Variants in UGGT1 observed in about 807,000 individuals in gnomAD.
UGGT1 encodes UDP-glucose:glycoprotein glucosyltransferase 1.
UGGT1 carries 107 observed loss-of-function variants against 203.9 expected under a neutral mutation model. The ratio of observed to expected loss-of-function variants is 0.52; its 90% CI spans 0.45 to 0.62. The LOEUF (loss-of-function observed/expected upper bound fraction) is 0.62, where lower values mean the gene tolerates loss of function less well. UGGT1 is among the 20% of genes least tolerant of loss of function. The pLI is 0.00. For missense variants in UGGT1, 1,673 were observed against 1,867.2 expected (o/e 0.90, Z 1.92); for synonymous variants, 628 against 653.5 (o/e 0.96, Z 0.59).
At position 128,109,652 on chromosome 2, in the gene UGGT1, C is replaced by A. The variant is rs1172179610; in HGVS notation, c.427C>A (p.Pro143Thr). 6.2e-7 allele frequency: 1 copy of A among 1,614,092 alleles called. No individual in the cohort carries two copies. Among genetic ancestry groups the A allele is most frequent in the South Asian group, 1.1e-5 (1 of 91,080 alleles). Residue 143 changes from proline (P) to threonine (T), a missense_variant, in exon 5 of 41, where the codon CCA (proline) becomes ACA (threonine). Around this residue, in one of 4 missense-constraint regions of UGGT1, gnomAD observed 1,073 missense variants for 1,078.7 expected, o/e 0.99. Coordinates refer to ENST00000259253, the MANE Select transcript of UGGT1 (RefSeq NM_020120.4). ...GTGACAGATAGCAGCTGATGAACCT[C>A]CACCAGAAGGATGTAATTCGTTTTT... ...AFQQIAADEP[P>T]PEGCNSFFSV...
chr2:128,166,063 A>G (rs1049606244), intron 26 of UGGT1, among the ~76,000 whole-genome samples: 2 of 152,240 alleles, frequency 1.3e-5, no homozygotes, highest in Admixed American at 1.3e-4. Context: ...TAAGCTTAGC[A>G]TAGTGAGGGA....
Position 128,145,983 on chromosome 2 carries a change from A to C in UGGT1, c.2016+16A>C, listed in dbSNP as rs1689672811. ...GGTGTACTTGGTGAGTCACGTTTCA[A>C]GGCTGATTTTTTAAAGAGAACAGTT... is the stretch of plus-strand genomic sequence containing the variant. On this transcript the variant is annotated intron_variant, in intron 18 of 40. Coordinates refer to ENST00000259253, the MANE Select transcript of UGGT1 (RefSeq NM_020120.4). 1 of 1,613,400 alleles carries C rather than the reference A, an allele frequency of 6.2e-7. No homozygotes were observed. Among genetic ancestry groups the C allele is most frequent in the African/African-American group, 1.3e-5 (1 of 74,966 alleles).
chr2:128,097,759 G>A (rs1000065762), intron 2 of UGGT1, among the ~76,000 whole-genome samples, 195 bp downstream of exon 2: 1 of 152,202 alleles, frequency 6.6e-6, no homozygotes, highest in Non-Finnish European at 1.5e-5. Context: ...AGGGCTATGT[G>A]GGTTTATAGA....
At chr2:128,153,122 G>A (rs1371962312) in intron 19 of UGGT1, among the ~76,000 whole-genome samples, 2 of 149,602 alleles carry the variant, frequency 1.3e-5, no homozygotes, top group Non-Finnish European at 3.0e-5. Flanking sequence ...AACATCTTCT[G>A]GGCAAAACCC....
chr2:128,187,697 T>C, intron 40 of UGGT1, 83 bp downstream of exon 40: 3 of 1,379,842 alleles, frequency 2.2e-6, no homozygotes, highest in Non-Finnish European at 2.9e-6. Flanking sequence ...GAATAATGGA[T>C]AAAAGGAAGA....
At chr2:128,106,492 T>C (rs1687610816) in intron 3 of UGGT1, among the ~76,000 whole-genome samples, 1 of 152,234 alleles carries the variant, frequency 6.6e-6, no homozygotes, top group Non-Finnish European at 1.5e-5. Flanking sequence ...GCTGTTGCAG[T>C]ATAAAACCTT....
intron 15 of UGGT1, among the ~76,000 whole-genome samples, chr2:128,135,597 T>G (rs1689096634): frequency 6.6e-6 from 1 of 152,242 alleles, no homozygotes; most frequent in African/African-American, 2.4e-5. Context: ...TATTACTGTG[T>G]GTTCCATGAT....
intron 12 of UGGT1, 150 bp downstream of exon 12, chr2:128,127,602 T>C (rs1044328439): frequency 9.8e-6 from 6 of 612,442 alleles, no homozygotes; most frequent in African/African-American, 7.5e-5. Context: ...AGTAGGCACA[T>C]GCCATGATGG....
chr2:128,150,631 G>A (rs1202018224), intron 18 of UGGT1, among the ~76,000 whole-genome samples: 1 of 141,592 alleles, frequency 7.1e-6, no homozygotes, highest in Non-Finnish European at 1.5e-5. Flanking sequence ...GTCAGAAGGT[G>A]TTACATTTAC....
At position 128,125,169 on chromosome 2, in the gene UGGT1, C is replaced by T. The variant is rs189162562; in HGVS notation, c.1134+1923C>T. On this transcript the variant is annotated intron_variant, in intron 11 of 40. Coordinates refer to ENST00000259253, the MANE Select transcript of UGGT1 (RefSeq NM_020120.4). ...GGAAGAGCGTTTGGTGACTTGCCTT[C>T]GATTCCCCATTATGTGTGTGGGGTC... Among the ~76,000 whole-genome samples the T allele has an allele frequency of 1.9e-3, 282 of 152,116 alleles. 1 individual carries two copies. Among genetic ancestry groups the T allele is most frequent in the Admixed American group, 5.1e-3 (78 of 15,284 alleles).
At chr2:128,131,251 A>C (rs957315624) in intron 13 of UGGT1, among the ~76,000 whole-genome samples, 6 of 147,964 alleles carry the variant, frequency 4.1e-5, no homozygotes, top group Admixed American at 2.7e-4. Context: ...AAAAAAAAAA[A>C]AAAAAAAATT....
In UGGT1 at chr2:128,123,182, T is replaced by G; in HGVS notation, c.1074-4T>G. ...AAGCACTCATAATGTTTTTATTTCCTTAGAGCAATAACAAAAACAGCTGTG... is the reference window on the plus strand; with the variant it reads ...AAGCACTCATAATGTTTTTATTTCCGTAGAGCAATAACAAAAACAGCTGTG... On this transcript the variant is annotated splice_polypyrimidine_tract_variant and splice_region_variant and intron_variant, in intron 10 of 40. Coordinates refer to ENST00000259253, the MANE Select transcript of UGGT1 (RefSeq NM_020120.4). 2 of 1,612,578 alleles carry G rather than the reference T, an allele frequency of 1.2e-6. No individual in the cohort carries two copies. The highest frequency in any genetic ancestry group is 8.5e-7 in the Non-Finnish European group (1 of 1,179,052).
chr2:128,141,544 G>A (rs796748561), intron 16 of UGGT1, among the ~76,000 whole-genome samples: 31 of 152,094 alleles, frequency 2.0e-4, no homozygotes, highest in African/African-American at 7.5e-4. Context: ...GGCAGAGCTT[G>A]CAATGAGCCA....
Position 128,107,950 on chromosome 2 carries a change from C to G in UGGT1, c.290C>G (p.Ser97Cys). 1 of 1,614,140 alleles carries G rather than the reference C, an allele frequency of 6.2e-7. No individual in the cohort carries two copies. The highest frequency in any genetic ancestry group is 8.5e-7 in the Non-Finnish European group (1 of 1,180,022). ...GSSDHDGTDY[S>C]YYHAILEAAF... ...TCTTCCTTGACAGGTACCGATTATTCCTACTATCATGCAATATTGGAGGCT... is the reference window on the plus strand; with the variant it reads ...TCTTCCTTGACAGGTACCGATTATTGCTACTATCATGCAATATTGGAGGCT... The change falls in exon 4 of 41, where the codon TCC becomes TGC. Residue 97 changes from serine to cysteine, a missense_variant. Physicochemically the swap from Ser to Cys is moderately radical, Grantham distance 112. Around this residue, in one of 4 missense-constraint regions of UGGT1, gnomAD observed 1,073 missense variants for 1,078.7 expected, o/e 0.99. Transcript: ENST00000259253.
chr2:128,152,441 G>A (rs1267401441), intron 18 of UGGT1, among the ~76,000 whole-genome samples: 1 of 152,232 alleles, frequency 6.6e-6, no homozygotes, highest in Non-Finnish European at 1.5e-5. Context: ...TTACAGGCAT[G>A]AGCCACCATT....
Position 128,187,458 on chromosome 2 carries a change from C to A in UGGT1, c.4486C>A (p.Pro1496Thr). The change falls in exon 40 of 41, where the codon CCG (proline) becomes ACG (threonine). Residue 1496 changes from proline to threonine, a missense_variant. By Grantham distance (38) the Pro-to-Thr change is conservative (BLOSUM62 -1). Around this residue, in one of 4 missense-constraint regions of UGGT1, gnomAD observed 513 missense variants for 684.1 expected, o/e 0.75. Transcript: ENST00000259253. ...RAKTIDLCNN[P>T]MTKEPKLEAA... ...TCTTTTGGTTTCACAGTGTAATAAT[C>A]CGATGACCAAAGAGCCGAAACTGGA... 6.2e-7 allele frequency: 1 copy of A among 1,613,668 alleles called. No homozygotes were observed. The highest frequency in any genetic ancestry group is 8.5e-7 in the Non-Finnish European group (1 of 1,179,726).
intron 24 of UGGT1, 39 bp downstream of exon 24, chr2:128,160,630 G>A: frequency 6.3e-7 from 1 of 1,584,114 alleles, no homozygotes; most frequent in East Asian, 2.3e-5. Context: ...TTAGATCCGT[G>A]AACAGTCTTT....
At chr2:128,108,207 A>T in intron 4 of UGGT1, 139 bp downstream of exon 4, 1 of 1,103,292 alleles carries the variant, frequency 9.1e-7, no homozygotes, top group Non-Finnish European at 1.3e-6. Context: ...TGATTTTTAA[A>T]AAAAATAATA....
chr2:128,117,080 A>T (rs1264909557), intron 8 of UGGT1, among the ~76,000 whole-genome samples: 3 of 151,976 alleles, frequency 2.0e-5, no homozygotes, highest in African/African-American at 7.2e-5. Context: ...TTTTATTATT[A>T]TTTTTTATTT....
Sources: gnomAD v4.1 joint callset for allele counts (sites outside exome capture counted in the v4.1 genomes callset) on GRCh38, gnomAD v4.1.1 for gene constraint, gnomAD v4.1.1 regional missense constraint, MANE v1.5 for transcripts, NCBI Gene and HGNC (gene_info 2026-07-23, HGNC 2026-07-21) for gene names.